Variants in DOK6 observed in about 807,000 individuals in gnomAD.
DOK6 encodes docking protein 6, also known as downstream of tyrosine kinase 6.
Under a neutral mutation model 44.0 loss-of-function variants are expected in DOK6, and 22 were observed. The observed-to-expected ratio is 0.50, with a 90% confidence interval of 0.36 to 0.71. DOK6 has a LOEUF of 0.71. Among genes scored for constraint, DOK6 ranks in the 30% least tolerant of loss-of-function variants. The pLI, the probability that DOK6 is intolerant of heterozygous loss-of-function variation, is 0.00. For missense variants in DOK6, 340 were observed against 416.4 expected, an observed-to-expected ratio of 0.82 and a Z score of 1.60; for synonymous variants, 166 against 145.5, an observed-to-expected ratio of 1.14 and a Z score of -1.01.
chr18:69,693,497 A>T (rs1986315320), intron 4 of DOK6, among the ~76,000 whole-genome samples: 1 of 152,086 alleles, frequency 6.6e-6, no homozygotes, highest in African/African-American at 2.4e-5. Context: ...ATATATTTCT[A>T]CTTAGTATAA....
chr18:69,511,736 T>G (rs1373562635), intron 1 of DOK6, among the ~76,000 whole-genome samples: 1 of 152,218 alleles, frequency 6.6e-6, no homozygotes, highest in Non-Finnish European at 1.5e-5. Context: ...TCCTGCAAAA[T>G]ATTAAACCAT....
chr18:69,786,911 A>G (rs1017265672), intron 7 of DOK6, among the ~76,000 whole-genome samples: 2 of 152,368 alleles, frequency 1.3e-5, no homozygotes, highest in Admixed American at 6.5e-5. Flanking sequence ...AAAAATGCAC[A>G]GATCCCAAGT....
At chr18:69,794,503 A>C (rs1980688825) in intron 7 of DOK6, among the ~76,000 whole-genome samples, 2 of 152,144 alleles carry the variant, frequency 1.3e-5, no homozygotes, top group South Asian at 4.1e-4. Flanking sequence ...TGGCAGTGGG[A>C]ACATTGACAA....
intron 3 of DOK6, among the ~76,000 whole-genome samples, chr18:69,635,522 G>A (rs1013380579): frequency 6.6e-6 from 1 of 152,070 alleles, no homozygotes; most frequent in Admixed American, 6.5e-5. Context: ...TGCTTCCATG[G>A]AACCAGGAAT....
At chr18:69,754,020 A>G (rs566175664) in intron 6 of DOK6, among the ~76,000 whole-genome samples, 3 of 152,320 alleles carry the variant, frequency 2.0e-5, no homozygotes, top group South Asian at 2.1e-4. Flanking sequence ...GTTGATATAC[A>G]TACTTTTATG....
chr18:69,705,564 G>A (rs919260480), intron 5 of DOK6, among the ~76,000 whole-genome samples: 9 of 152,120 alleles, frequency 5.9e-5, no homozygotes, highest in African/African-American at 2.2e-4. Context: ...CCCTTGAGCT[G>A]CTTTTTACCT....
At chr18:69,569,314 C>A (rs564841555) in intron 2 of DOK6, among the ~76,000 whole-genome samples, 25 of 152,306 alleles carry the variant, frequency 1.6e-4, no homozygotes, top group African/African-American at 5.8e-4. Flanking sequence ...AAATTGAAAG[C>A]AACTCACAAC....
chr18:69,763,948 T>C (rs1002756894), intron 7 of DOK6, among the ~76,000 whole-genome samples: 2 of 152,198 alleles, frequency 1.3e-5, no homozygotes, highest in African/African-American at 4.8e-5. Flanking sequence ...TCCTCCTCCA[T>C]GAGGGTGGAC....
At chr18:69,533,772 A>G (rs1021158318) in intron 1 of DOK6, among the ~76,000 whole-genome samples, 2 of 152,006 alleles carry the variant, frequency 1.3e-5, no homozygotes, top group African/African-American at 4.8e-5. Flanking sequence ...CCCCCTTTTT[A>G]TAATTTCTAA....
chr18:69,744,342 G>T (rs578241968), intron 6 of DOK6, among the ~76,000 whole-genome samples: 38 of 151,066 alleles, frequency 2.5e-4, no homozygotes, highest in Non-Finnish European at 5.3e-4. Context: ...TGCAAATACA[G>T]TTATTATTCA....
chr18:69,482,069 T>G (rs1980440684), intron 1 of DOK6, among the ~76,000 whole-genome samples: 1 of 152,176 alleles, frequency 6.6e-6, no homozygotes, highest in African/African-American at 2.4e-5. Context: ...TTGATGGGGT[T>G]GTTTGTTTTT....
Position 69,712,328 on chromosome 18 carries a change from T to TAAAAAAAAAA in DOK6, c.599+13735_599+13736insAAAAAAAAAA, listed in dbSNP as rs1986783925. On this transcript the variant is annotated intron_variant, in intron 5 of 7. Transcript: ENST00000382713. ...AAAAAAAAAAAAAAAAAAAAAAAAT[T>TAAAAAAAAAA]TAACCTTTTCCGAATCACATTTGTG... 5.9e-5 allele frequency among the ~76,000 whole-genome samples: 2 copies of TAAAAAAAAAA among 33,712 alleles called. 1 individual carries two copies. The highest frequency in any genetic ancestry group is 7.8e-4 in the Admixed American group (2 of 2,572). 22.1% of individuals were successfully genotyped at this position (33,712 alleles called of 152,430 possible).
At chr18:69,812,865 C>T (rs995148322) in intron 7 of DOK6, among the ~76,000 whole-genome samples, 1 of 152,036 alleles carries the variant, frequency 6.6e-6, no homozygotes, top group Admixed American at 6.6e-5. Context: ...CTTCAGATTT[C>T]ATGAGAACAG....
At chr18:69,589,043 T>C (rs1333518375) in intron 2 of DOK6, among the ~76,000 whole-genome samples, 4 of 151,984 alleles carry the variant, frequency 2.6e-5, no homozygotes, top group Non-Finnish European at 5.9e-5. Context: ...AGGAGGCAAA[T>C]ATAAGGAAGC....
At chr18:69,659,082 T>G (rs1399431834) in intron 3 of DOK6, among the ~76,000 whole-genome samples, 1 of 152,320 alleles carries the variant, frequency 6.6e-6, no homozygotes, top group Non-Finnish European at 1.5e-5. Flanking sequence ...TAGAACAATA[T>G]AAACATTTAA....
chr18:69,476,070 G>A lies in DOK6; in HGVS notation c.66+74760G>A, dbSNP rs562037354. 6.6e-5 allele frequency among the ~76,000 whole-genome samples: 10 copies of A among 151,978 alleles called. No homozygotes were observed. In the South Asian group the frequency reaches 8.3e-4, roughly 13 times the overall value. On this transcript the variant is annotated intron_variant, in intron 1 of 7. Transcript: ENST00000382713. Reference sequence around the variant, plus strand: ...CCTCTCACCTCCAATAGTCCCCAGCGTCTGCTGTTGCCGTCTTTATATCCA... The same window carrying A: ...CCTCTCACCTCCAATAGTCCCCAGCATCTGCTGTTGCCGTCTTTATATCCA...
intron 1 of DOK6, among the ~76,000 whole-genome samples, chr18:69,492,889 TTGAG>T (rs1980777230): frequency 6.7e-6 from 1 of 148,804 alleles, no homozygotes; most frequent in African/African-American, 2.4e-5. Flanking sequence ...TTTTCTTTTC[TTGAG>T]TATTTAGCTT....
chr18:69,771,838 T>C (rs1382837608), intron 7 of DOK6, among the ~76,000 whole-genome samples: 12 of 151,884 alleles, frequency 7.9e-5, no homozygotes, highest in Non-Finnish European at 1.8e-4. Context: ...CCAAAAAAAT[T>C]AAGTGAAGAA....
chr18:69,774,133 G>GATATATATATATATATATATATAT (rs111360276), intron 7 of DOK6, among the ~76,000 whole-genome samples: 3,036 of 66,382 alleles, frequency 0.046, 371 homozygotes, highest in South Asian at 0.068. Flanking sequence ...ATATATATGA[G>GATATATATATATATATATATATAT]ATATATATAT....
Sources: allele counts gnomAD v4.1 joint callset (sites outside exome capture counted in the v4.1 genomes callset), GRCh38; gene constraint gnomAD v4.1.1; transcripts MANE v1.5; gene names NCBI Gene and HGNC (gene_info 2026-07-23, HGNC 2026-07-21).